Variants in ROCK2 observed in about 807,000 individuals in gnomAD.
The protein encoded by ROCK2 is rho-associated protein kinase 2.
A neutral mutation model predicts 195.1 loss-of-function variants in ROCK2; 61 were observed. That is an observed-to-expected ratio of 0.31 (90% CI 0.25 to 0.39). The LOEUF is 0.39. ROCK2 is among the 10% of genes least tolerant of loss of function. The pLI is 1.00. For missense variants in ROCK2, 1,109 were observed against 1,637.4 expected (o/e 0.68, Z 5.57); for synonymous variants, 504 against 545.5 (o/e 0.92, Z 1.06).
At position 11,241,734 on chromosome 2, in the gene ROCK2, C is replaced by T. The variant is rs558245697; in HGVS notation, c.463-5772G>A. Among the ~76,000 whole-genome samples, 10 of 152,248 alleles carry T rather than the reference C, an allele frequency of 6.6e-5. No homozygotes were observed. The East Asian group carries it at 9.6e-4, about 15-fold the overall frequency. The stretch of plus-strand genomic sequence containing the variant: ...ATATGGAAACACGTAAAATTGAATA[C>T]TTAAGTAACACTATTAAAAAATCCA... On this transcript the variant is annotated intron_variant, in intron 4 of 32. Coordinates refer to ENST00000315872, the MANE Select transcript of ROCK2 (RefSeq NM_004850.5).
chr2:11,272,198 G>C (rs1346846139), intron 3 of ROCK2, among the ~76,000 whole-genome samples: 1 of 152,086 alleles, frequency 6.6e-6, no homozygotes, highest in Non-Finnish European at 1.5e-5. Context: ...AAGGGAGCTT[G>C]TTACCAGTAG....
chr2:11,208,450 A>G lies in ROCK2; in HGVS notation c.2204-3T>C. 6.9e-7 allele frequency: 1 copy of G among 1,453,112 alleles called. No homozygotes were observed. Among genetic ancestry groups the G allele is most frequent in the East Asian group, 2.4e-5 (1 of 41,788 alleles). The allele number at this position is 1,453,112 out of a possible 1,614,324, so 90.0% of individuals were successfully genotyped here. Reference sequence around the variant, plus strand: ...CTCCAAGAGCTTCTTCTCCATTTCTAGTATAATAAAAATGGACACAATCAT... The same window carrying G: ...CTCCAAGAGCTTCTTCTCCATTTCTGGTATAATAAAAATGGACACAATCAT... On this transcript the variant is annotated splice_polypyrimidine_tract_variant and splice_region_variant and intron_variant, in intron 18 of 32. Coordinates refer to ENST00000315872, the MANE Select transcript of ROCK2 (RefSeq NM_004850.5).
intron 1 of ROCK2, among the ~76,000 whole-genome samples, chr2:11,296,426 C>A (rs1572376644): frequency 6.6e-6 from 1 of 152,194 alleles, no homozygotes; most frequent in South Asian, 2.1e-4. Context: ...TAAACAGAAC[C>A]TTCTTTTTCA....
chr2:11,302,765 T>C (rs554944275), intron 1 of ROCK2, among the ~76,000 whole-genome samples: 1 of 150,404 alleles, frequency 6.6e-6, no homozygotes, highest in African/African-American at 2.5e-5. Context: ...TTTTAAAATA[T>C]TGATTACATG....
Position 11,299,538 on chromosome 2 carries a change from G to T in ROCK2, c.142-11802C>A, listed in dbSNP as rs527255399. On this transcript the variant is annotated intron_variant, in intron 1 of 32. Coordinates refer to ENST00000315872, the MANE Select transcript of ROCK2 (RefSeq NM_004850.5). ...ACTCGCTCATTCAATTCTCGTAAAA[G>T]TTCCACTAGAAAAAAAAAAATGGAG... Among the ~76,000 whole-genome samples, 10 of 151,790 alleles carry T rather than the reference G, an allele frequency of 6.6e-5. No individual in the cohort carries two copies. The East Asian group carries it at 1.7e-3, about 26-fold the overall frequency.
At chr2:11,194,919 A>G in intron 28 of ROCK2, 36 bp downstream of exon 28, 1 of 1,305,280 alleles carries the variant, frequency 7.7e-7, no homozygotes. Flanking sequence ...AAACAAAAAC[A>G]AAAACAAAAG....
intron 1 of ROCK2, among the ~76,000 whole-genome samples, chr2:11,324,246 C>T (rs1186660114): frequency 1.3e-5 from 2 of 152,134 alleles, no homozygotes; most frequent in Admixed American, 1.3e-4. Flanking sequence ...ACCATCCTGG[C>T]CAACATGGTG....
intron 12 of ROCK2, 64 bp from the exon 13 acceptor site, chr2:11,216,270 T>C (rs913134201): frequency 1.7e-6 from 2 of 1,193,840 alleles, no homozygotes; most frequent in South Asian, 1.3e-5. Flanking sequence ...AGTCTATAAA[T>C]TTAAAAGTAA....
chr2:11,221,159 C>G (rs1439823329), intron 9 of ROCK2, 39 bp downstream of exon 9: 3 of 1,444,166 alleles, frequency 2.1e-6, no homozygotes, highest in Non-Finnish European at 2.8e-6. Flanking sequence ...TAGCTAGATT[C>G]TAAAAACAGT....
intron 4 of ROCK2, among the ~76,000 whole-genome samples, chr2:11,249,291 T>A (rs918259711): frequency 6.6e-6 from 1 of 152,344 alleles, no homozygotes; most frequent in Non-Finnish European, 1.5e-5. Context: ...ATGTGCCATG[T>A]TGGAATATTA....
chr2:11,200,038 A>G (rs1402898174), intron 23 of ROCK2, among the ~76,000 whole-genome samples: 1 of 152,202 alleles, frequency 6.6e-6, no homozygotes, highest in Non-Finnish European at 1.5e-5. Flanking sequence ...TGGGTATGAA[A>G]TGGTATTTCA....
intron 1 of ROCK2, among the ~76,000 whole-genome samples, chr2:11,340,061 T>C (rs538724832): frequency 6.6e-6 from 1 of 152,358 alleles, no homozygotes; most frequent in East Asian, 1.9e-4. Flanking sequence ...CCACTATTTA[T>C]TTACAGCTAC....
At chr2:11,246,914 A>G (rs1321755193) in intron 4 of ROCK2, among the ~76,000 whole-genome samples, 1 of 152,196 alleles carries the variant, frequency 6.6e-6, no homozygotes, top group Non-Finnish European at 1.5e-5. Context: ...AGAACACTCA[A>G]AGCAGCATTA....
intron 1 of ROCK2, among the ~76,000 whole-genome samples, chr2:11,294,413 A>AT (rs1667451491): frequency 6.8e-6 from 1 of 146,638 alleles, no homozygotes; most frequent in South Asian, 2.1e-4. Context: ...AGACTGTGGA[A>AT]TTATATGGTG....
intron 1 of ROCK2, among the ~76,000 whole-genome samples, chr2:11,316,760 C>T (rs1018105186): frequency 1.5e-4 from 23 of 152,234 alleles, no homozygotes; most frequent in African/African-American, 5.3e-4. Flanking sequence ...TAGGTTCCTA[C>T]GATATGGTAT....
rs1187235362 is a variant in ROCK2 at position 11,308,927 on chromosome 2, T to C, written c.142-21191A>G. 5.0e-6 allele frequency: 8 copies of C among 1,611,820 alleles called. No homozygotes were observed. The African/African-American group carries it at 6.7e-5, about 13-fold the overall frequency. On this transcript the variant is annotated intron_variant, in intron 1 of 32. Transcript: ENST00000315872. ...ACTTTATCTTCATCTACATCAAACTTTGCACAAGGAATGATCCTGACATGA... is the reference window on the plus strand; with the variant it reads ...ACTTTATCTTCATCTACATCAAACTCTGCACAAGGAATGATCCTGACATGA...
intron 13 of ROCK2, 84 bp from the exon 14 acceptor site, chr2:11,215,729 TA>T (rs781716495): frequency 1.3e-5 from 15 of 1,167,398 alleles, no homozygotes; most frequent in Non-Finnish European, 1.8e-5. Context: ...TCCAAACAGA[TA>T]AAAAAGATCT....
intron 3 of ROCK2, among the ~76,000 whole-genome samples, chr2:11,262,493 C>T (rs971950164): frequency 2.6e-5 from 4 of 152,104 alleles, no homozygotes; most frequent in Non-Finnish European, 4.4e-5. Context: ...GTGGGAGGGA[C>T]CCAGTGGGAG....
chr2:11,184,914 G>A lies in ROCK2; in HGVS notation c.4164-1474C>T, dbSNP rs544051071. The A allele has an allele frequency of 2.6e-5, 7 of 272,086 alleles. No homozygotes were observed. The East Asian group carries it at 1.1e-3, about 41-fold the overall frequency. The allele number at this position is 272,086 out of a possible 1,614,324, so 16.9% of individuals were successfully genotyped here. On this transcript the variant is annotated intron_variant, in intron 32 of 32. Transcript: ENST00000315872. ...ATAACAACAAGATTAAAATTAAGACGGACGCACATAGGGAAGCCTTGCCCT... is the reference window on the plus strand; with the variant it reads ...ATAACAACAAGATTAAAATTAAGACAGACGCACATAGGGAAGCCTTGCCCT...
Sources: gnomAD v4.1 joint callset for allele counts (sites outside exome capture counted in the v4.1 genomes callset) on GRCh38, gnomAD v4.1.1 for gene constraint, MANE v1.5 for transcripts, NCBI Gene and HGNC (gene_info 2026-07-23, HGNC 2026-07-21) for gene names.